The following MYO1B variants were observed in gnomAD, a reference collection of about 807,000 sequenced individuals.
The protein encoded by MYO1B is unconventional myosin-Ib.
A neutral mutation model predicts 159.7 loss-of-function variants in MYO1B; 72 were observed. That is an observed-to-expected ratio of 0.45 (90% CI 0.37 to 0.55). The LOEUF (loss-of-function observed/expected upper bound fraction) is 0.55. Among genes scored for constraint, MYO1B ranks in the 20% least tolerant of loss-of-function variants. The pLI, the probability that MYO1B is intolerant of heterozygous loss-of-function variation, is 0.00. For synonymous variants in MYO1B, 468 were observed against 473.8 expected (o/e 0.99, Z 0.16); for missense variants, 1,062 against 1,364.8 (o/e 0.78, Z 3.50).
At chr2:191,257,170 A>G (rs1456189087) in intron 1 of MYO1B, among the ~76,000 whole-genome samples, 1 of 152,162 alleles carries the variant, frequency 6.6e-6, no homozygotes, top group East Asian at 1.9e-4. Flanking sequence ...AAAATAAGTA[A>G]ATATAACTTT....
At chr2:191,362,131 G>T in intron 8 of MYO1B, 137 bp from the exon 9 acceptor site, 1 of 610,586 alleles carries the variant, frequency 1.6e-6, no homozygotes, top group African/African-American at 1.8e-5. Flanking sequence ...TGATATTTGG[G>T]TATAATTTGT....
In MYO1B at chr2:191,416,128, C is replaced by T; in HGVS notation, c.3173C>T (p.Ala1058Val). The T allele has an allele frequency of 6.2e-7, 1 of 1,613,942 alleles. No homozygotes were observed. The highest frequency in any genetic ancestry group is 8.5e-7 in the Non-Finnish European group (1 of 1,179,972). The change falls in exon 30 of 31, where the codon GCT becomes GTT. Residue 1058 changes from alanine (A) to valine (V), a missense_variant. Transcript: ENST00000392318. ...TTGTCCTTGCAGGGCTCAGAAGCAG[C>T]TAGTAAAGGAGACTTTCTCTTCAGC... ...AVHLKEGSEA[A>V]SKGDFLFSSD...
At chr2:191,298,091 A>G (rs1447384566) in intron 3 of MYO1B, among the ~76,000 whole-genome samples, 2 of 152,250 alleles carry the variant, frequency 1.3e-5, no homozygotes, top group Non-Finnish European at 2.9e-5. Flanking sequence ...TAAGGAACAT[A>G]TATATACCAC....
intron 28 of MYO1B, 67 bp downstream of exon 28, chr2:191,414,247 G>A: frequency 6.5e-7 from 1 of 1,535,034 alleles, no homozygotes; most frequent in Admixed American, 2.1e-5. Context: ...CCTGTTTTCT[G>A]AATGTAAAAA....
intron 7 of MYO1B, among the ~76,000 whole-genome samples, chr2:191,352,930 AT>A (rs1404411408): frequency 6.6e-6 from 1 of 152,146 alleles, no homozygotes; most frequent in African/African-American, 2.4e-5. Flanking sequence ...TAGGAAGTAT[AT>A]TTTGCCTCCT....
chr2:191,329,553 A>G (rs1377834391), intron 3 of MYO1B, among the ~76,000 whole-genome samples: 1 of 150,578 alleles, frequency 6.6e-6, no homozygotes, highest in African/African-American at 2.4e-5. Context: ...AACAACCCAT[A>G]AATGTAGCTT....
At chr2:191,370,093 T>A (rs1413220202) in intron 12 of MYO1B, 134 bp from the exon 13 acceptor site, 1 of 638,360 alleles carries the variant, frequency 1.6e-6, no homozygotes, top group African/African-American at 1.8e-5. Context: ...ATACATTTTT[T>A]AAAAAACAAC....
chr2:191,377,142 G>T (rs547928490), intron 13 of MYO1B, among the ~76,000 whole-genome samples: 71 of 152,244 alleles, frequency 4.7e-4, no homozygotes, highest in Non-Finnish European at 8.8e-4. Flanking sequence ...TCTAAACATA[G>T]TAAGTGCTCC....
Position 191,409,040 on chromosome 2 carries a change from A to G in MYO1B, c.2632-4A>G. Reference sequence around the variant, plus strand: ...ATGTAGTATTTTCTGTCAACCCAACACAGGTGCAAAAATACTTCTTGGAAA... The same window carrying G: ...ATGTAGTATTTTCTGTCAACCCAACGCAGGTGCAAAAATACTTCTTGGAAA... On this transcript the variant is annotated splice_polypyrimidine_tract_variant and splice_region_variant and intron_variant, in intron 25 of 30. Transcript: ENST00000392318. 6.2e-7 allele frequency: 1 copy of G among 1,608,372 alleles called. No homozygotes were observed. Among genetic ancestry groups the G allele is most frequent in the South Asian group, 1.1e-5 (1 of 89,062 alleles).
intron 13 of MYO1B, among the ~76,000 whole-genome samples, chr2:191,374,110 A>G (rs1694551072): frequency 6.6e-6 from 1 of 152,150 alleles, no homozygotes; most frequent in Non-Finnish European, 1.5e-5. Flanking sequence ...GCCAGCCTAT[A>G]TTTTCCTGGA....
chr2:191,324,318 G>GT, intron 3 of MYO1B, among the ~76,000 whole-genome samples: 1 of 150,498 alleles, frequency 6.6e-6, no homozygotes, highest in Non-Finnish European at 1.5e-5. Context: ...TTTTTTCTTT[G>GT]TTTTTTGTTT....
At chr2:191,339,824 G>A (rs2125945740) in intron 4 of MYO1B, among the ~76,000 whole-genome samples, 1 of 152,292 alleles carries the variant, frequency 6.6e-6, no homozygotes, top group Admixed American at 6.5e-5. Context: ...ATTGGTTGAT[G>A]CTTTTAGGTT....
intron 1 of MYO1B, among the ~76,000 whole-genome samples, chr2:191,266,401 C>A (rs1051826943): frequency 6.6e-6 from 1 of 152,178 alleles, no homozygotes; most frequent in Non-Finnish European, 1.5e-5. Context: ...TGGATTCCAG[C>A]CTGGGTCTGT....
At chr2:191,261,795 T>TA (rs1204662501) in intron 1 of MYO1B, among the ~76,000 whole-genome samples, 2 of 152,098 alleles carry the variant, frequency 1.3e-5, no homozygotes, top group African/African-American at 4.8e-5. Flanking sequence ...TGGGATGGTT[T>TA]ATAGAAGAAA....
intron 3 of MYO1B, among the ~76,000 whole-genome samples, chr2:191,317,158 C>T (rs888545226): frequency 6.6e-6 from 1 of 152,074 alleles, no homozygotes; most frequent in South Asian, 2.1e-4. Context: ...GCAGGTGCAG[C>T]GTCGTTTTTA....
chr2:191,424,049 G>T lies in MYO1B; in HGVS notation c.*89G>T. ...TATTTGGGGTTCATTGTATGTTTGG[G>T]AATCACCAAAGGCTTTTAGAGTTCT... On this transcript the variant is annotated 3_prime_UTR_variant, in exon 31 of 31. Transcript: ENST00000392318. 7.0e-7 allele frequency: 1 copy of T among 1,433,388 alleles called. No homozygotes were observed. Among genetic ancestry groups the T allele is most frequent in the Non-Finnish European group, 9.4e-7 (1 of 1,062,442 alleles). The allele number at this position is 1,433,388 out of a possible 1,614,324, so 88.8% of individuals were successfully genotyped here. A position where few individuals can be genotyped will look rare whatever the true frequency, so the allele number is the denominator to read the frequency against.
At chr2:191,404,970 A>C (rs572940597) in intron 24 of MYO1B, among the ~76,000 whole-genome samples, 1 of 152,248 alleles carries the variant, frequency 6.6e-6, no homozygotes, top group South Asian at 2.1e-4. Flanking sequence ...ACATAGATTG[A>C]CTTCCTTTCC....
intron 15 of MYO1B, 24 bp downstream of exon 15, chr2:191,383,366 T>G (rs1334300131): frequency 4.7e-6 from 7 of 1,500,604 alleles, no homozygotes; most frequent in Non-Finnish European, 6.3e-6. Context: ...TACAGTTTTC[T>G]AAAGAATGTT....
Position 191,248,372 on chromosome 2 carries a change from T to G in MYO1B, c.-10+2746T>G, listed in dbSNP as rs979934242. ...TATGTCCTGATAAACCCATCATAAG[T>G]TGAAAATATTGTAAGTTGAAAATGC... On this transcript the variant is annotated intron_variant, in intron 1 of 30. Coordinates refer to ENST00000392318, the MANE Select transcript of MYO1B (RefSeq NM_001130158.3). 1.7e-4 allele frequency among the ~76,000 whole-genome samples: 26 copies of G among 152,126 alleles called. 2 individuals are homozygous for G. Among genetic ancestry groups the G allele is most frequent in the Admixed American group, 9.2e-4 (14 of 15,274 alleles).
Sources: allele counts gnomAD v4.1 joint callset (sites outside exome capture counted in the v4.1 genomes callset), GRCh38; gene constraint gnomAD v4.1.1; transcripts MANE v1.5; gene names NCBI Gene and HGNC (gene_info 2026-07-23, HGNC 2026-07-21).